SYT10: variants seen among roughly 807,000 people sequenced by gnomAD.
SYT10 encodes the protein synaptotagmin-10.
A neutral mutation model predicts 51.1 loss-of-function variants in SYT10; 31 were observed. The ratio of observed to expected loss-of-function variants is 0.61; its 90% CI spans 0.46 to 0.82. The LOEUF (loss-of-function observed/expected upper bound fraction) is 0.82. SYT10 is among the 40% of genes least tolerant of loss of function. The probability of loss-of-function intolerance (pLI) is 0.00; values close to 1 mark genes in which losing one functional copy is unlikely to be tolerated. For missense variants in SYT10, 603 were observed against 634.0 expected (o/e 0.95, Z 0.53); for synonymous variants, 233 against 225.9 (o/e 1.03, Z -0.28).
chr12:33,435,209 C>T (rs1866628381), intron 1 of SYT10, among the ~76,000 whole-genome samples: 1 of 152,068 alleles, frequency 6.6e-6, no homozygotes, highest in African/African-American at 2.4e-5. Context: ...AATTAGATGT[C>T]AGAGACTCAC....
chr12:33,389,271 C>A (rs1273546619), intron 3 of SYT10, among the ~76,000 whole-genome samples: 6 of 151,940 alleles, frequency 3.9e-5, no homozygotes, highest in African/African-American at 1.4e-4. Flanking sequence ...GGCGTAGGTT[C>A]CTGGGTCAAA....
At chr12:33,393,425 G>C (rs1866227385) in intron 3 of SYT10, among the ~76,000 whole-genome samples, 1 of 152,128 alleles carries the variant, frequency 6.6e-6, no homozygotes, top group Non-Finnish European at 1.5e-5. Context: ...ACTCTCCTTA[G>C]ACTGTTTGAT....
chr12:33,378,814 C>CTGTGTGTGTGTGTG (rs56373564), intron 6 of SYT10, among the ~76,000 whole-genome samples: 6 of 145,184 alleles, frequency 4.1e-5, no homozygotes, highest in African/African-American at 1.5e-4. Flanking sequence ...GACTGGGTAT[C>CTGTGTGTGTGTGTG]TGTGTGTGTG....
chr12:33,374,379 A>T lies in SYT10; in HGVS notation c.*2451T>A, dbSNP rs1866045500. ...TGTGATGTCCCACACAAATAAGGGG[A>T]TTTGTAATATCAAATCTTATTTTAA... On this transcript the variant is annotated 3_prime_UTR_variant, in exon 7 of 7. Transcript: ENST00000228567. The T allele has an allele frequency of 6.6e-6, 1 of 151,716 alleles. No individual in the cohort carries two copies. The highest frequency in any genetic ancestry group is 2.4e-5 in the African/African-American group (1 of 41,354). The allele number at this position is 151,716 out of a possible 1,614,324, so 9.4% of individuals were successfully genotyped here.
chr12:33,413,304 C>T, intron 2 of SYT10, among the ~76,000 whole-genome samples: 1 of 152,092 alleles, frequency 6.6e-6, no homozygotes, highest in Non-Finnish European at 1.5e-5. Context: ...CAAGGCAGGC[C>T]AACATTCAAA....
chr12:33,418,221 C>T (rs1244049704), intron 2 of SYT10, among the ~76,000 whole-genome samples: 3 of 152,266 alleles, frequency 2.0e-5, no homozygotes, highest in African/African-American at 4.8e-5. Flanking sequence ...CAGCTACTCT[C>T]TCCTGGGAGC....
intron 2 of SYT10, among the ~76,000 whole-genome samples, chr12:33,421,086 TTACAG>T (rs1187384872): frequency 2.0e-5 from 3 of 152,208 alleles, no homozygotes; most frequent in South Asian, 2.1e-4. Flanking sequence ...AAAAACATTC[TTACAG>T]TAAAGTTAAC....
Position 33,439,524 on chromosome 12 carries a change from GT to G in SYT10, c.-3del. ...TCCGTCCTCCTTGTGGAAACTCATC[GT>G]TTGGCTTTTCTTTCGTTTTCTCTTT... On this transcript the variant is annotated 5_prime_UTR_variant, in exon 1 of 7. Coordinates refer to ENST00000228567, the MANE Select transcript of SYT10 (RefSeq NM_198992.4). The G allele has an allele frequency of 6.2e-7, 1 of 1,612,114 alleles. No homozygotes were observed. Among genetic ancestry groups the G allele is most frequent in the South Asian group, 1.1e-5 (1 of 90,932 alleles).
chr12:33,379,487 C>T (rs1308141037), intron 6 of SYT10, among the ~76,000 whole-genome samples: 1 of 131,152 alleles, frequency 7.6e-6, no homozygotes, highest in Non-Finnish European at 1.6e-5. Flanking sequence ...AATGCAGTTT[C>T]CAGTTAGTAA....
At chr12:33,384,345 T>C (rs1443476988) in intron 4 of SYT10, among the ~76,000 whole-genome samples, 2 of 152,176 alleles carry the variant, frequency 1.3e-5, no homozygotes, top group African/African-American at 4.8e-5. Context: ...TCTTATGTTT[T>C]TTTTTGTGAT....
At chr12:33,397,860 T>C (rs933088907) in intron 3 of SYT10, among the ~76,000 whole-genome samples, 1 of 152,048 alleles carries the variant, frequency 6.6e-6, no homozygotes, top group African/African-American at 2.4e-5. Flanking sequence ...ACAATGGACA[T>C]TTCAGGCAGA....
intron 2 of SYT10, among the ~76,000 whole-genome samples, chr12:33,414,272 CAA>C (rs1866434778): frequency 6.6e-6 from 1 of 152,138 alleles, no homozygotes; most frequent in South Asian, 2.1e-4. Flanking sequence ...TCAGACAGAT[CAA>C]AGAGACAGAA....
At chr12:33,419,356 T>C (rs1467904582) in intron 2 of SYT10, among the ~76,000 whole-genome samples, 1 of 152,122 alleles carries the variant, frequency 6.6e-6, no homozygotes, top group Non-Finnish European at 1.5e-5. Context: ...GTTCAATAAA[T>C]ATTGTTGAAT....
At chr12:33,384,062 TAAA>T (rs1565490624) in intron 4 of SYT10, among the ~76,000 whole-genome samples, 1 of 152,162 alleles carries the variant, frequency 6.6e-6, no homozygotes, top group African/African-American at 2.4e-5. Context: ...TCGCAAATTT[TAAA>T]AAATGAACAT....
In SYT10 at chr12:33,429,090, G is replaced by T. The variant is rs543903406; in HGVS notation, c.152-2595C>A. Among the ~76,000 whole-genome samples the T allele has an allele frequency of 3.2e-4, 48 of 152,250 alleles. No individual in the cohort carries two copies. The East Asian group carries it at 9.1e-3, about 29-fold the overall frequency. ...TCAGCATGCTTCAGAATGGTGAGAA[G>T]GAATCAGTGGACAAGAATGGATAGG... is the stretch of plus-strand genomic sequence containing the variant. On this transcript the variant is annotated intron_variant, in intron 1 of 6. Transcript: ENST00000228567.
At chr12:33,397,024 T>C (rs1489626376) in intron 3 of SYT10, among the ~76,000 whole-genome samples, 18 of 152,336 alleles carry the variant, frequency 1.2e-4, no homozygotes, top group Non-Finnish European at 1.5e-5. Context: ...TCTTTCTAAC[T>C]TTCTGTGGTT....
Position 33,398,893 on chromosome 12 carries a change from G to A in SYT10, c.1077+7896C>T, listed in dbSNP as rs76434459. On this transcript the variant is annotated intron_variant, in intron 3 of 6. Coordinates refer to ENST00000228567, the MANE Select transcript of SYT10 (RefSeq NM_198992.4). ...ACACTTAGAGAGATTTAGTAACTTG[G>A]TCAAGCCATACAGAGATAAGTGACA... is the stretch of plus-strand genomic sequence containing the variant. Among the ~76,000 whole-genome samples the A allele has an allele frequency of 3.9e-3, 590 of 152,202 alleles. 2 individuals are homozygous for A. Among genetic ancestry groups the A allele is most frequent in the African/African-American group, 0.013 (527 of 41,536 alleles).
rs1286980525 is a variant in SYT10, at chr12:33,376,837, G to A, written c.1565C>T (p.Thr522Ile). ...GSCPSPKPPS[T>I]P is the part of the protein sequence containing the mutation. ...GGTCTCATTTTGGAGGCATTATGGTGTGGAAGGTGGTTTAGGAGAAGGGCA... is the reference window on the plus strand; with the variant it reads ...GGTCTCATTTTGGAGGCATTATGGTATGGAAGGTGGTTTAGGAGAAGGGCA... The change falls in exon 7 of 7, where the codon ACA becomes ATA. Residue 522 changes from threonine to isoleucine, a missense_variant. By Grantham distance (89) the Thr-to-Ile change is moderately conservative. Coordinates refer to ENST00000228567, the MANE Select transcript of SYT10 (RefSeq NM_198992.4). The A allele has an allele frequency of 8.1e-6, 13 of 1,614,068 alleles. No homozygotes were observed. Among genetic ancestry groups the A allele is most frequent in the Non-Finnish European group, 1.1e-5 (13 of 1,179,980 alleles).
chr12:33,437,220 G>C (rs1368373076), intron 1 of SYT10, among the ~76,000 whole-genome samples: 1 of 152,146 alleles, frequency 6.6e-6, no homozygotes, highest in Non-Finnish European at 1.5e-5. Context: ...ATCTTTCCTA[G>C]TAATAGCCAA....
Sources: gnomAD v4.1 joint callset for allele counts (sites outside exome capture counted in the v4.1 genomes callset) on GRCh38, gnomAD v4.1.1 for gene constraint, MANE v1.5 for transcripts, NCBI Gene and HGNC (gene_info 2026-07-23, HGNC 2026-07-21) for gene names.